Variants in GNAI1 observed in about 807,000 individuals in gnomAD.
GNAI1 encodes the protein G protein subunit alpha i1.
GNAI1 carries 11 observed loss-of-function variants against 38.9 expected under a neutral mutation model. The ratio of observed to expected loss-of-function variants is 0.28; its 90% CI spans 0.18 to 0.47. The LOEUF is 0.47. GNAI1 is among the 20% of genes least tolerant of loss of function. GNAI1 has a pLI of 0.99. For synonymous variants in GNAI1, 166 were observed against 145.1 expected (o/e 1.14, Z -1.04); for missense variants, 317 against 436.9 (o/e 0.73, Z 2.45).
At chr7:80,197,347 C>T (rs940045236) in intron 3 of GNAI1, among the ~76,000 whole-genome samples, 5 of 151,732 alleles carry the variant, frequency 3.3e-5, no homozygotes, top group African/African-American at 9.7e-5. Context: ...TCCAAAGTTT[C>T]TTAAGTCTTT....
chr7:80,203,352 A>G (rs552165381), intron 4 of GNAI1, among the ~76,000 whole-genome samples: 60 of 152,326 alleles, frequency 3.9e-4, no homozygotes, highest in African/African-American at 1.4e-3. Flanking sequence ...GCTATATCCA[A>G]AAGGTGTGAT....
At chr7:80,182,545 T>C (rs1273197484) in intron 1 of GNAI1, among the ~76,000 whole-genome samples, 2 of 152,184 alleles carry the variant, frequency 1.3e-5, no homozygotes, top group Admixed American at 6.5e-5. Flanking sequence ...TAAATATTTA[T>C]TTAAATATAA....
At position 80,225,187 on chromosome 7, in the gene GNAI1, T is replaced by TA. The variant is rs1454796853; in HGVS notation, c.*7696dup. ...TTAAATGCTATCGTTTGGTTTGGTGTAATATAGCCTTTCCTGTGGGGGGAA... is the reference window on the plus strand; with the variant it reads ...TTAAATGCTATCGTTTGGTTTGGTGTAAATATAGCCTTTCCTGTGGGGGGAA... On this transcript the variant is annotated 3_prime_UTR_variant, in exon 8 of 8. Coordinates refer to ENST00000649796, the MANE Select transcript of GNAI1 (RefSeq NM_002069.6). Among the ~76,000 whole-genome samples the TA allele has an allele frequency of 1.3e-5, 2 of 152,202 alleles. 1 individual carries two copies. Among genetic ancestry groups the TA allele is most frequent in the Admixed American group, 1.3e-4 (2 of 15,282 alleles).
At chr7:80,171,739 T>G (rs1788102030) in intron 1 of GNAI1, among the ~76,000 whole-genome samples, 1 of 152,216 alleles carries the variant, frequency 6.6e-6, no homozygotes, top group Non-Finnish European at 1.5e-5. Context: ...ATTTTAAATT[T>G]CAGTGTCTTA....
intron 4 of GNAI1, among the ~76,000 whole-genome samples, chr7:80,202,648 A>G (rs1788709661): frequency 6.6e-6 from 1 of 152,202 alleles, no homozygotes; most frequent in African/African-American, 2.4e-5. Flanking sequence ...CTCTCTATGT[A>G]TTCTAGTATA....
At chr7:80,144,861 A>C (rs1787591073) in intron 1 of GNAI1, among the ~76,000 whole-genome samples, 1 of 152,204 alleles carries the variant, frequency 6.6e-6, no homozygotes, top group Non-Finnish European at 1.5e-5. Flanking sequence ...TAGCTCACTT[A>C]AGTTTTCACA....
At chr7:80,144,091 G>C (rs905262045) in intron 1 of GNAI1, among the ~76,000 whole-genome samples, 1 of 152,000 alleles carries the variant, frequency 6.6e-6, no homozygotes, top group Non-Finnish European at 1.5e-5. Context: ...GGCTAGACCA[G>C]GTAAATATCT....
chr7:80,215,870 A>G (rs1280076294), intron 7 of GNAI1, among the ~76,000 whole-genome samples: 2 of 152,132 alleles, frequency 1.3e-5, no homozygotes, highest in African/African-American at 2.4e-5. Context: ...CAGCCGGTGA[A>G]GTAGAATGAA....
intron 1 of GNAI1, among the ~76,000 whole-genome samples, chr7:80,138,781 C>T (rs1199124779): frequency 1.3e-5 from 2 of 152,136 alleles, no homozygotes; most frequent in South Asian, 2.1e-4. Context: ...TCCTTCCGCT[C>T]CACTCCCCCT....
At chr7:80,189,038 C>A (rs774482744) in intron 2 of GNAI1, 45 bp downstream of exon 2, 1 of 1,598,442 alleles carries the variant, frequency 6.3e-7, no homozygotes, top group Non-Finnish European at 8.6e-7. Context: ...GTTAGTGTAC[C>A]GTTCTACCAA....
At chr7:80,185,927 T>C (rs539417469) in intron 1 of GNAI1, among the ~76,000 whole-genome samples, 2 of 152,288 alleles carry the variant, frequency 1.3e-5, no homozygotes, top group South Asian at 4.1e-4. Context: ...GAAACGTTTT[T>C]GCAAAATTTC....
At chr7:80,206,899 G>A (rs974538369) in intron 5 of GNAI1, among the ~76,000 whole-genome samples, 2 of 152,016 alleles carry the variant, frequency 1.3e-5, no homozygotes, top group African/African-American at 4.8e-5. Context: ...TGTGAATGTG[G>A]TCTCACTTTC....
At chr7:80,185,567 G>T (rs1584035013) in intron 1 of GNAI1, among the ~76,000 whole-genome samples, 1 of 152,040 alleles carries the variant, frequency 6.6e-6, no homozygotes, top group South Asian at 2.1e-4. Flanking sequence ...CCCTAAAAAC[G>T]CTAGCCCCAA....
chr7:80,167,809 T>C (rs887006872), intron 1 of GNAI1, among the ~76,000 whole-genome samples: 1 of 152,248 alleles, frequency 6.6e-6, no homozygotes, highest in African/African-American at 2.4e-5. Context: ...TTCTCTCTTT[T>C]ATGCAGTAGT....
At chr7:80,213,802 T>C (rs1788913125) in intron 7 of GNAI1, among the ~76,000 whole-genome samples, 1 of 152,026 alleles carries the variant, frequency 6.6e-6, no homozygotes, top group South Asian at 2.1e-4. Context: ...ATCTAGATAG[T>C]TTGAAGAGTT....
At chr7:80,203,660 G>A in intron 4 of GNAI1, 44 bp from the exon 5 acceptor site, 1 of 1,274,630 alleles carries the variant, frequency 7.8e-7, no homozygotes, top group Non-Finnish European at 1.1e-6. Context: ...ATCTTTATTG[G>A]CTATATTTAC....
intron 1 of GNAI1, among the ~76,000 whole-genome samples, chr7:80,170,342 T>A (rs573018629): frequency 6.6e-6 from 1 of 152,194 alleles, no homozygotes; most frequent in Non-Finnish European, 1.5e-5. Context: ...CTAGTGGGTG[T>A]GAAGTAGTAC....
chr7:80,161,600 A>G (rs1325674027), intron 1 of GNAI1, among the ~76,000 whole-genome samples: 2 of 152,202 alleles, frequency 1.3e-5, no homozygotes, highest in South Asian at 2.1e-4. Context: ...GCAGTGCATT[A>G]TGCATTATGG....
At chr7:80,142,551 A>G (rs940974527) in intron 1 of GNAI1, among the ~76,000 whole-genome samples, 1 of 152,214 alleles carries the variant, frequency 6.6e-6, no homozygotes, top group Non-Finnish European at 1.5e-5. Context: ...TGGCCCCATC[A>G]GAGCATGAAT....
Sources: gnomAD v4.1 joint callset for allele counts (sites outside exome capture counted in the v4.1 genomes callset) on GRCh38, gnomAD v4.1.1 for gene constraint, MANE v1.5 for transcripts, NCBI Gene and HGNC (gene_info 2026-07-23, HGNC 2026-07-21) for gene names.